Variants in MYLK3 observed in about 807,000 individuals in gnomAD.
The protein encoded by MYLK3 is MLC kinase.
In MYLK3, 55 loss-of-function variants were observed where a neutral mutation model predicts 76.3. That is an observed-to-expected ratio of 0.72 (90% CI 0.58 to 0.90). The LOEUF (loss-of-function observed/expected upper bound fraction) is 0.90. Ranked by LOEUF, MYLK3 falls within the 40% of genes least tolerant of loss-of-function variation. The pLI is 0.00. For missense variants in MYLK3, 973 were observed against 1,053.6 expected (o/e 0.92, Z 1.06); for synonymous variants, 416 against 425.4 (o/e 0.98, Z 0.27).
chr16:46,751,923 G>T (rs923778068), upstream of MYLK3, among the ~76,000 whole-genome samples: 4 of 152,178 alleles, frequency 2.6e-5, no homozygotes, highest in African/African-American at 9.7e-5. Flanking sequence ...GACACAGCAG[G>T]GGGCTTGGCC....
chr16:46,708,974 C>T (rs1966654831), intron 12 of MYLK3, among the ~76,000 whole-genome samples: 1 of 152,220 alleles, frequency 6.6e-6, no homozygotes, highest in Admixed American at 6.5e-5. Context: ...TTCATTCTGT[C>T]ACTTCAAGTG....
At chr16:46,723,587 G>C (rs1186622059) in intron 8 of MYLK3, among the ~76,000 whole-genome samples, 1 of 150,870 alleles carries the variant, frequency 6.6e-6, no homozygotes, top group Non-Finnish European at 1.5e-5. Context: ...AAAAGCGAAT[G>C]CACATTTTAC....
chr16:46,721,777 G>A (rs1487089855), intron 8 of MYLK3, among the ~76,000 whole-genome samples: 1 of 152,102 alleles, frequency 6.6e-6, no homozygotes, highest in Non-Finnish European at 1.5e-5. Flanking sequence ...ATATATAATT[G>A]GCCCATGAGC....
chr16:46,709,399 G>T, intron 12 of MYLK3, 140 bp downstream of exon 12: 1 of 924,124 alleles, frequency 1.1e-6, no homozygotes, highest in Non-Finnish European at 1.6e-6. Context: ...TCCAGCCTGG[G>T]CAACAGAGCA....
At chr16:46,732,718 G>A (rs1966855246) in intron 3 of MYLK3, 50 bp from the exon 4 acceptor site, 1 of 1,392,364 alleles carries the variant, frequency 7.2e-7, no homozygotes. Context: ...GGACTCTGGA[G>A]TCAGAACAGA....
In MYLK3 at chr16:46,709,560, G is replaced by A; in HGVS notation, c.2379C>T (p.Tyr793=). The A allele has an allele frequency of 6.2e-7, 1 of 1,613,988 alleles. No homozygotes were observed. The highest frequency in any genetic ancestry group is 8.5e-7 in the Non-Finnish European group (1 of 1,179,982). Residue 793 remains tyrosine (Y), a synonymous_variant, in exon 12 of 13, where the codon TAC becomes TAT. Coordinates refer to ENST00000394809, the MANE Select transcript of MYLK3 (RefSeq NM_182493.3). Reference sequence around the variant, plus strand: ...ATACCTTCCATTTTCTTTGAGCTATGTATTTCTGCAGCAGTAGTTGGGATT... The same window carrying A: ...ATACCTTCCATTTTCTTTGAGCTATATATTTCTGCAGCAGTAGTTGGGATT... ...RLKSQLLLQK[Y]IAQRKWKKHF...
intron 7 of MYLK3, 86 bp downstream of exon 7, chr16:46,728,938 G>A: frequency 1.0e-6 from 1 of 967,052 alleles, no homozygotes; most frequent in Non-Finnish European, 1.6e-6. Flanking sequence ...AAAGGAGAGA[G>A]AGGGCTTTGC....
intron 1 of MYLK3, among the ~76,000 whole-genome samples, chr16:46,758,296 ACACACACACTCTCTCTCTCTCTCTCTCT>A (rs1567294840): frequency 3.4e-5 from 2 of 59,242 alleles, no homozygotes; most frequent in African/African-American, 1.5e-4. Flanking sequence ...ACACACACAC[ACACACACACTCTCTCTCTCTCTCTCTCT>A]CTCTCTCTCT....
chr16:46,761,154 C>T (rs960980194), intron 1 of MYLK3, among the ~76,000 whole-genome samples: 2 of 152,100 alleles, frequency 1.3e-5, no homozygotes, highest in African/African-American at 2.4e-5. Flanking sequence ...TAAGAAAAGA[C>T]GGTTCTAGTG....
At chr16:46,715,829 T>C (rs965875637) in intron 9 of MYLK3, among the ~76,000 whole-genome samples, 2 of 152,198 alleles carry the variant, frequency 1.3e-5, no homozygotes, top group African/African-American at 4.8e-5. Flanking sequence ...ATAGTTTGTA[T>C]TGGGGGGAAA....
At chr16:46,728,936 G>A (rs746327130) in intron 7 of MYLK3, 88 bp downstream of exon 7, 7 of 956,176 alleles carry the variant, frequency 7.3e-6, no homozygotes, top group Non-Finnish European at 1.2e-5. Context: ...GGAAAGGAGA[G>A]AGAGGGCTTT....
intron 1 of MYLK3, among the ~76,000 whole-genome samples, chr16:46,743,401 T>C (rs1185534252): frequency 6.6e-6 from 1 of 152,180 alleles, no homozygotes; most frequent in Non-Finnish European, 1.5e-5. Context: ...TGACGATGTG[T>C]TTAGCAGCTG....
At chr16:46,727,140 A>G (rs1210041937) in intron 8 of MYLK3, 96 bp downstream of exon 8, 1 of 1,382,218 alleles carries the variant, frequency 7.2e-7, no homozygotes, top group Non-Finnish European at 9.9e-7. Context: ...CAGGAATGGA[A>G]GCTGGGACTG....
chr16:46,708,908 T>C (rs1966654259), intron 12 of MYLK3, among the ~76,000 whole-genome samples: 1 of 152,240 alleles, frequency 6.6e-6, no homozygotes, highest in South Asian at 2.1e-4. Context: ...CCTCAAGCTC[T>C]AAGCAGTTAG....
chr16:46,754,828 T>C (rs1967176236), intron 1 of MYLK3, among the ~76,000 whole-genome samples: 1 of 152,106 alleles, frequency 6.6e-6, no homozygotes, highest in Non-Finnish European at 1.5e-5. Flanking sequence ...CCTTAGAATT[T>C]TGAAGACATT....
chr16:46,743,287 G>T (rs1305063062), intron 1 of MYLK3, among the ~76,000 whole-genome samples: 2 of 152,156 alleles, frequency 1.3e-5, no homozygotes, highest in Non-Finnish European at 2.9e-5. Flanking sequence ...AAATTTAACC[G>T]CCAGTTGCTA....
At chr16:46,751,482 C>T (rs1596776976), upstream of MYLK3, among the ~76,000 whole-genome samples, 2 of 152,194 alleles carry the variant, frequency 1.3e-5, no homozygotes, top group South Asian at 2.1e-4. Context: ...TACAAGGTAG[C>T]TCATTTGCTA....
Position 46,737,890 on chromosome 16 carries a change from G to A in MYLK3, c.822C>T (p.Val274=), listed in dbSNP as rs751280864. ...CTGGTGCAACCTCCAGGCTCGGGGA[G>A]ACCACATTGACCCTGCCGGGTGCTG... The part of the protein sequence containing the change: ...LAPAPGRVNV[V]SPSLEVAPGA... The change falls in exon 3 of 13, where the codon GTC becomes GTT. Residue 274 remains valine, a synonymous_variant. Transcript: ENST00000394809. The A allele has an allele frequency of 6.2e-7, 1 of 1,614,190 alleles. No individual in the cohort carries two copies. The highest frequency in any genetic ancestry group is 1.7e-5 in the Admixed American group (1 of 60,036).
At chr16:46,755,110 G>A (rs1035918790) in intron 1 of MYLK3, among the ~76,000 whole-genome samples, 1 of 151,928 alleles carries the variant, frequency 6.6e-6, no homozygotes, top group Admixed American at 6.6e-5. Flanking sequence ...TGTTGCCCAG[G>A]CTGCTTTTGA....
Sources: gnomAD v4.1 joint callset for allele counts (sites outside exome capture counted in the v4.1 genomes callset) on GRCh38, gnomAD v4.1.1 for gene constraint, MANE v1.5 for transcripts, NCBI Gene and HGNC (gene_info 2026-07-23, HGNC 2026-07-21) for gene names.